The following PTK2 variants were observed in gnomAD, a reference collection of about 807,000 sequenced individuals.
The protein encoded by PTK2 is focal adhesion kinase 1.
Under a neutral mutation model 150.1 loss-of-function variants are expected in PTK2, and 45 were observed. That is an observed-to-expected ratio of 0.30 (90% CI 0.24 to 0.38). The LOEUF (loss-of-function observed/expected upper bound fraction) is 0.38, where lower values mean the gene tolerates loss of function less well. PTK2 is among the 10% of genes least tolerant of loss of function. The pLI is 1.00. For synonymous variants in PTK2, 432 were observed against 449.2 expected, an observed-to-expected ratio of 0.96 and a Z score of 0.48; for missense variants, 919 against 1,307.3, an observed-to-expected ratio of 0.70 and a Z score of 4.58.
chr8:140,816,288 T>C (rs2100104687), intron 10 of PTK2, among the ~76,000 whole-genome samples: 1 of 152,134 alleles, frequency 6.6e-6, no homozygotes, highest in Non-Finnish European at 1.5e-5. Context: ...GGAAGACCTA[T>C]CTGAAAAAGA....
intron 26 of PTK2, among the ~76,000 whole-genome samples, chr8:140,695,565 C>T (rs1336302810): frequency 6.6e-6 from 1 of 152,098 alleles, no homozygotes; most frequent in Non-Finnish European, 1.5e-5. Context: ...AGAGTGCCAC[C>T]ACGCCTGGCT....
intron 2 of PTK2, among the ~76,000 whole-genome samples, chr8:140,893,900 A>G (rs1396627897): frequency 1.3e-5 from 2 of 152,344 alleles, no homozygotes; most frequent in East Asian, 1.9e-4. Flanking sequence ...ACTCTCATAC[A>G]CTGCTGATGG....
intron 22 of PTK2, among the ~76,000 whole-genome samples, chr8:140,729,150 C>G (rs2100047712): frequency 6.6e-6 from 1 of 152,166 alleles, no homozygotes; most frequent in Non-Finnish European, 1.5e-5. Context: ...CTCCCAAAGG[C>G]TGGTTTTGTT....
chr8:140,888,227 T>G (rs138246471), intron 3 of PTK2, among the ~76,000 whole-genome samples: 200 of 152,352 alleles, frequency 1.3e-3, no homozygotes, highest in East Asian at 0.01. Flanking sequence ...ATACCTCTTA[T>G]GTTGTTCAGT....
chr8:140,978,330 G>T (rs1280256486), intron 1 of PTK2, among the ~76,000 whole-genome samples: 3 of 152,162 alleles, frequency 2.0e-5, no homozygotes, highest in South Asian at 4.1e-4. Flanking sequence ...GCAACCTACA[G>T]AATGGGAGAA....
chr8:140,857,710 G>A (rs752334173), intron 5 of PTK2, among the ~76,000 whole-genome samples: 2 of 152,118 alleles, frequency 1.3e-5, no homozygotes, highest in South Asian at 4.1e-4. Context: ...CCTTACTTCC[G>A]CCAAGTGAGA....
At chr8:140,746,847 C>T (rs1253300293) in exon 18 of PTK2, 1 of 1,605,586 alleles carries the variant, frequency 6.2e-7, no homozygotes, top group Non-Finnish European at 8.5e-7. Flanking sequence ...GATGGTCAAA[C>T]TGACGCATTG....
chr8:140,886,739 A>G (rs560464193), intron 3 of PTK2, among the ~76,000 whole-genome samples: 8 of 152,208 alleles, frequency 5.3e-5, no homozygotes, highest in Admixed American at 2.0e-4. Context: ...TTTATCTGAT[A>G]TAGACTTCTA....
chr8:140,686,671 T>G (rs761465770), exon 27 of PTK2: 2 of 1,613,914 alleles, frequency 1.2e-6, no homozygotes, highest in South Asian at 2.2e-5. Flanking sequence ...CAATACTGCC[T>G]CGAGAGAGTC....
rs575771031 is a variant in PTK2 at position 140,674,995 on chromosome 8, C to T, written c.2602+465G>A. Among the ~76,000 whole-genome samples, 221 of 150,832 alleles carry T rather than the reference C, an allele frequency of 1.5e-3. 3 individuals carry two copies. Among genetic ancestry groups the T allele is most frequent in the Non-Finnish European group, 4.7e-4 (32 of 67,740 alleles). ...CTGAGGCAGGAGAATTGCTTGAACCCGGGAGGTGGAGGTTGCAGTGAGCTC... is the reference window on the plus strand; with the variant it reads ...CTGAGGCAGGAGAATTGCTTGAACCTGGGAGGTGGAGGTTGCAGTGAGCTC... On this transcript the variant is annotated intron_variant, in intron 28 of 31. Transcript: ENST00000522684.
intron 14 of PTK2, among the ~76,000 whole-genome samples, chr8:140,782,084 C>A (rs2100082015): frequency 1.3e-5 from 2 of 152,054 alleles, no homozygotes; most frequent in Admixed American, 1.3e-4. Flanking sequence ...AGACTGACTA[C>A]CAGAATAATT....
In PTK2 at chr8:140,995,507, G is replaced by A. The variant is rs190652251; in HGVS notation, c.-122+5618C>T. On this transcript the variant is annotated intron_variant, in intron 1 of 31. Coordinates refer to ENST00000522684, the Ensembl canonical transcript of PTK2. ...ATGATTACGCTTAGTGAGAAAAAAC[G>A]TCAAAAACCAAGATAGGGCCGGGCA... is the stretch of plus-strand genomic sequence containing the variant. Among the ~76,000 whole-genome samples the A allele has an allele frequency of 6.6e-5, 10 of 151,956 alleles. No individual in the cohort carries two copies. In the East Asian group the frequency reaches 1.2e-3, roughly 18 times the overall value.
At chr8:140,750,155 G>C (rs983328174) in intron 17 of PTK2, 1 of 152,182 alleles carries the variant, frequency 6.6e-6, no homozygotes, top group Non-Finnish European at 1.5e-5. Flanking sequence ...TCAGGAATAG[G>C]ATTAAGGATG....
intron 1 of PTK2, among the ~76,000 whole-genome samples, chr8:140,959,801 T>A (rs1196552980): frequency 6.6e-6 from 1 of 152,038 alleles, no homozygotes; most frequent in African/African-American, 2.4e-5. Context: ...AAGACCAGCC[T>A]GGGCAACACA....
At chr8:140,957,063 A>AAAAC (rs1334024940) in intron 1 of PTK2, among the ~76,000 whole-genome samples, 1 of 152,142 alleles carries the variant, frequency 6.6e-6, no homozygotes, top group African/African-American at 2.4e-5. Context: ...CTCCATCACA[A>AAAAC]AAACAAACAA....
chr8:140,665,138 T>C, intron 30 of PTK2, 141 bp from the exon 35 acceptor site: 1 of 719,660 alleles, frequency 1.4e-6, no homozygotes, highest in South Asian at 2.0e-5. Context: ...AGCCCTATCT[T>C]GTAAGTTATG....
Position 140,967,402 on chromosome 8 carries a change from CTGTT to C in PTK2, c.-122+33719_-122+33722del, listed in dbSNP as rs534996689. On this transcript the variant is annotated intron_variant, in intron 1 of 31. Coordinates refer to ENST00000522684, the Ensembl canonical transcript of PTK2. ...GATGAGCCCCTGGAAAAGAAAATGT[CTGTT>C]TGATGCTAAGTGCTAAATAAGGCTC... 9.2e-5 allele frequency among the ~76,000 whole-genome samples: 14 copies of C among 151,802 alleles called. 1 individual carries two copies. The highest frequency in any genetic ancestry group is 3.4e-3 in the Middle Eastern group (1 of 290).
chr8:140,767,828 T>C (rs2100073223), intron 14 of PTK2, among the ~76,000 whole-genome samples: 1 of 152,148 alleles, frequency 6.6e-6, no homozygotes, highest in Admixed American at 6.5e-5. Context: ...TCCTGGTTTT[T>C]AGGATTGTTA....
At chr8:140,903,424 A>C (rs1164193962) in intron 2 of PTK2, among the ~76,000 whole-genome samples, 1 of 152,156 alleles carries the variant, frequency 6.6e-6, no homozygotes, top group African/African-American at 2.4e-5. Context: ...GATAGGTTGA[A>C]GTCAGGTAGC....
Sources: allele counts gnomAD v4.1 joint callset (sites outside exome capture counted in the v4.1 genomes callset), GRCh38; gene constraint gnomAD v4.1.1; transcripts MANE v1.5; gene names NCBI Gene and HGNC (gene_info 2026-07-23, HGNC 2026-07-21).